RARB: variants seen among roughly 807,000 people sequenced by gnomAD.
RARB encodes the protein retinoic acid receptor beta.
RARB carries 17 observed loss-of-function variants against 51.9 expected under a neutral mutation model. That is an observed-to-expected ratio of 0.33 (90% CI 0.22 to 0.49). The LOEUF is 0.49. RARB is among the 20% of genes least tolerant of loss of function. The pLI, the probability that RARB is intolerant of heterozygous loss-of-function variation, is 0.99. For synonymous variants in RARB, 215 were observed against 195.4 expected (o/e 1.10, Z -0.84); for missense variants, 369 against 550.8 (o/e 0.67, Z 3.30).
intron 2 of RARB, among the ~76,000 whole-genome samples, chr3:24,870,384 T>C (rs994563644): frequency 2.0e-5 from 3 of 152,124 alleles, no homozygotes; most frequent in African/African-American, 7.2e-5. Flanking sequence ...GTTCCAACAC[T>C]ATTTTATAGT....
chr3:25,282,682 C>T (rs1194707743), intron 5 of RARB, among the ~76,000 whole-genome samples: 2 of 152,102 alleles, frequency 1.3e-5, no homozygotes, highest in Non-Finnish European at 2.9e-5. Context: ...GAGAGGAAGC[C>T]AGGGCATTGC....
rs373407438 is a variant in RARB at position 25,006,636 on chromosome 3, T to G, written c.-379-53489T>G. ...GAGGCAAACAAGTAATCATAAAGAC[T>G]TCAGTGTTTGGTTACTTCTGATTTA... On this transcript the variant is annotated intron_variant, in intron 2 of 11. Transcript: ENST00000383772. Among the ~76,000 whole-genome samples, 58 of 152,292 alleles carry G rather than the reference T, an allele frequency of 3.8e-4. No individual in the cohort carries two copies. The South Asian group carries it at 0.012, about 31-fold the overall frequency.
chr3:25,007,123 A>G (rs1276899482), intron 2 of RARB, among the ~76,000 whole-genome samples: 2 of 152,234 alleles, frequency 1.3e-5, no homozygotes, highest in African/African-American at 4.8e-5. Context: ...CAAACCCAAA[A>G]GATACAACAT....
chr3:25,189,567 A>G (rs1701049711), intron 5 of RARB, among the ~76,000 whole-genome samples: 1 of 152,092 alleles, frequency 6.6e-6, no homozygotes, highest in South Asian at 2.1e-4. Flanking sequence ...AGCATGTTCA[A>G]AAGCTTAGAC....
chr3:24,928,711 T>G (rs978794014), intron 2 of RARB, among the ~76,000 whole-genome samples: 1 of 152,048 alleles, frequency 6.6e-6, no homozygotes, highest in Non-Finnish European at 1.5e-5. Flanking sequence ...CACAGACAGA[T>G]ACTTGGGGAT....
intron 5 of RARB, among the ~76,000 whole-genome samples, chr3:25,221,123 C>G (rs756613288): frequency 1.3e-5 from 2 of 149,240 alleles, no homozygotes; most frequent in Admixed American, 6.6e-5. Flanking sequence ...ATACAAGATA[C>G]AGATATAATG....
chr3:25,025,799 A>C (rs1361864688), intron 2 of RARB, among the ~76,000 whole-genome samples: 1 of 152,182 alleles, frequency 6.6e-6, no homozygotes, highest in Admixed American at 6.5e-5. Context: ...GAAACAAAGA[A>C]TATTTGTCTA....
chr3:25,569,712 G>A (rs766660422), intron 3 of RARB, 46 bp from the exon 4 acceptor site: 5 of 1,587,618 alleles, frequency 3.1e-6, no homozygotes, highest in East Asian at 2.2e-5. Flanking sequence ...AGGAGCACAG[G>A]CCCAGCCTTC....
At chr3:25,044,366 T>C (rs1698172610) in intron 2 of RARB, among the ~76,000 whole-genome samples, 1 of 152,184 alleles carries the variant, frequency 6.6e-6, no homozygotes, top group Admixed American at 6.5e-5. Context: ...CCTACTGTTG[T>C]ATCTTCAGCG....
chr3:25,137,329 A>T (rs1196410452), intron 4 of RARB, among the ~76,000 whole-genome samples: 1 of 152,046 alleles, frequency 6.6e-6, no homozygotes, highest in African/African-American at 2.4e-5. Context: ...ATATATTTTC[A>T]TTTCAATGGT....
At chr3:24,922,204 A>C (rs1218486071) in intron 2 of RARB, among the ~76,000 whole-genome samples, 1 of 152,214 alleles carries the variant, frequency 6.6e-6, no homozygotes, top group Non-Finnish European at 1.5e-5. Context: ...TGTCACTGCT[A>C]TCTGTATAAA....
intron 4 of RARB, among the ~76,000 whole-genome samples, chr3:25,160,051 G>A (rs1322989963): frequency 6.6e-6 from 1 of 152,114 alleles, no homozygotes; most frequent in African/African-American, 2.4e-5. Flanking sequence ...TGATATTTTT[G>A]TTTCAGCTTC....
intron 3 of RARB, among the ~76,000 whole-genome samples, chr3:25,546,799 AT>A (rs1184515647): frequency 2.2e-4 from 34 of 152,252 alleles, no homozygotes; most frequent in African/African-American, 7.9e-4. Context: ...ATTTTTATTT[AT>A]TTTATTCTGA....
intron 2 of RARB, among the ~76,000 whole-genome samples, chr3:24,933,456 T>A (rs772305806): frequency 9.2e-5 from 14 of 152,128 alleles, no homozygotes; most frequent in Non-Finnish European, 1.9e-4. Context: ...TAAATAAAAT[T>A]GCATTTTCAA....
intron 4 of RARB, among the ~76,000 whole-genome samples, chr3:25,138,060 A>G (rs1248042640): frequency 6.6e-6 from 1 of 152,122 alleles, no homozygotes; most frequent in Non-Finnish European, 1.5e-5. Flanking sequence ...TAGCAGAACA[A>G]GTCAAGAAGG....
At chr3:24,942,997 T>G (rs906971852) in intron 2 of RARB, among the ~76,000 whole-genome samples, 71 of 152,264 alleles carry the variant, frequency 4.7e-4, no homozygotes, top group African/African-American at 1.5e-3. Context: ...TAATAAGAAT[T>G]GAATGAAAAA....
At chr3:25,094,715 T>TAAAA (rs1699261463) in intron 3 of RARB, among the ~76,000 whole-genome samples, 1 of 4,626 alleles carries the variant, frequency 2.2e-4, no homozygotes, top group African/African-American at 1.1e-3. Context: ...AGACCCCATC[T>TAAAA]CAAAAAAAAA....
At chr3:24,902,999 CT>C (rs1703640063) in intron 2 of RARB, among the ~76,000 whole-genome samples, 1 of 152,032 alleles carries the variant, frequency 6.6e-6, no homozygotes, top group African/African-American at 2.4e-5. Context: ...CAAGACGCCT[CT>C]AAGCTGAAGA....
Position 25,183,143 on chromosome 3 carries a change from C to T in RARB, c.178+8568C>T, listed in dbSNP as rs369742756. Among the ~76,000 whole-genome samples, 33 of 152,228 alleles carry T rather than the reference C, an allele frequency of 2.2e-4. 1 individual carries two copies. Among genetic ancestry groups the T allele is most frequent in the Admixed American group, 1.7e-3 (26 of 15,284 alleles). On this transcript the variant is annotated intron_variant, in intron 5 of 11. Transcript: ENST00000383772. Reference sequence around the variant, plus strand: ...ACCGAAAAAGAAAAAACTATGTTTTCGAAACTTTCTCCCTCTAAAAATATC... The same window carrying T: ...ACCGAAAAAGAAAAAACTATGTTTTTGAAACTTTCTCCCTCTAAAAATATC...
Sources: gnomAD v4.1 joint callset for allele counts (sites outside exome capture counted in the v4.1 genomes callset) on GRCh38, gnomAD v4.1.1 for gene constraint, MANE v1.5 for transcripts, NCBI Gene and HGNC (gene_info 2026-07-23, HGNC 2026-07-21) for gene names.